The following RAB38 variants were observed in gnomAD, a reference collection of about 807,000 sequenced individuals.
RAB38 encodes ras-related protein Rab-38.
In RAB38, 15 loss-of-function variants were observed where a neutral mutation model predicts 18.4. The observed-to-expected ratio is 0.82, with a 90% CI of 0.55 to 1.26. The LOEUF (loss-of-function observed/expected upper bound fraction) is 1.26. Ranked by LOEUF, RAB38 falls within the 50% of genes most tolerant of loss-of-function variation. RAB38 has a pLI of 0.00. For missense variants in RAB38, 294 were observed against 267.4 expected (o/e 1.10, Z -0.69); for synonymous variants, 101 against 104.4 (o/e 0.97, Z 0.20).
At chr11:87,949,526 T>G in the RAB38 span, among the ~76,000 whole-genome samples, 2 of 152,358 alleles carry the variant, frequency 1.3e-5, no homozygotes, top group African/African-American at 4.8e-5. Flanking sequence ...TGTGGGCATT[T>G]AGTGCTATAA....
At chr11:88,081,348 T>C in the RAB38 span, among the ~76,000 whole-genome samples, 5 of 152,096 alleles carry the variant, frequency 3.3e-5, no homozygotes, top group East Asian at 5.8e-4. Flanking sequence ...TTAATGTTTA[T>C]AGAAGCTGTG....
the RAB38 span, among the ~76,000 whole-genome samples, chr11:88,027,544 T>A: frequency 6.6e-6 from 1 of 152,172 alleles, no homozygotes. Context: ...CTGACGGCCT[T>A]AAAAAACGGC....
chr11:87,880,771 C>T, the RAB38 span, among the ~76,000 whole-genome samples: 1 of 151,828 alleles, frequency 6.6e-6, no homozygotes, highest in Non-Finnish European at 1.5e-5. Flanking sequence ...ATTATTCACT[C>T]AGTCAATTAT....
the RAB38 span, among the ~76,000 whole-genome samples, chr11:88,091,226 G>T: frequency 2.0e-5 from 3 of 152,000 alleles, no homozygotes; most frequent in Non-Finnish European, 4.4e-5. Flanking sequence ...GAGCCAAAAT[G>T]ATGCCAATGA....
chr11:88,023,976 T>C, the RAB38 span, among the ~76,000 whole-genome samples: 11 of 152,234 alleles, frequency 7.2e-5, no homozygotes, highest in East Asian at 1.9e-4. Flanking sequence ...CTCCAGGACA[T>C]TGATCTGGGC....
At chr11:88,136,512 C>G (rs1459786655) in intron 2 of RAB38, among the ~76,000 whole-genome samples, 5 of 152,210 alleles carry the variant, frequency 3.3e-5, no homozygotes, top group African/African-American at 1.2e-4. Context: ...GGAAGCCACT[C>G]TGCCCAGGGT....
At chr11:88,098,511 T>A in the RAB38 span, 1 of 152,014 alleles carries the variant, frequency 6.6e-6, no homozygotes, top group Non-Finnish European at 1.5e-5. Flanking sequence ...TCTTAGCTAG[T>A]TGCATGACCT....
At chr11:88,082,905 A>G in the RAB38 span, among the ~76,000 whole-genome samples, 1 of 151,914 alleles carries the variant, frequency 6.6e-6, no homozygotes, top group African/African-American at 2.4e-5. Context: ...TTTCTTTCTC[A>G]TAAAATCTAG....
the RAB38 span, among the ~76,000 whole-genome samples, chr11:88,037,898 C>G: frequency 6.6e-6 from 1 of 151,836 alleles, no homozygotes; most frequent in Non-Finnish European, 1.5e-5. Context: ...TGTTTGCCTT[C>G]TTATTAATGT....
At chr11:87,841,869 T>C in the RAB38 span, among the ~76,000 whole-genome samples, 1 of 152,226 alleles carries the variant, frequency 6.6e-6, no homozygotes, top group Non-Finnish European at 1.5e-5. Flanking sequence ...TACTCCTGTT[T>C]TCTGTTAAGG....
the RAB38 span, among the ~76,000 whole-genome samples, chr11:87,921,749 G>C: frequency 6.6e-6 from 1 of 151,634 alleles, no homozygotes; most frequent in Non-Finnish European, 1.5e-5. Flanking sequence ...CTCAGGAAAA[G>C]TTTTAAATGA....
the RAB38 span, among the ~76,000 whole-genome samples, chr11:88,068,679 T>C: frequency 1.3e-5 from 2 of 152,248 alleles, no homozygotes; most frequent in Non-Finnish European, 2.9e-5. Context: ...TGCCCTAACA[T>C]GACAAGTCAA....
chr11:87,921,857 C>T, the RAB38 span, among the ~76,000 whole-genome samples: 3 of 151,658 alleles, frequency 2.0e-5, no homozygotes, highest in African/African-American at 7.3e-5. Context: ...TGAAGCAGCA[C>T]ATTGGATAAA....
At chr11:87,889,773 A>G in the RAB38 span, among the ~76,000 whole-genome samples, 1 of 149,464 alleles carries the variant, frequency 6.7e-6, no homozygotes, top group East Asian at 2.0e-4. Flanking sequence ...CTTATACATG[A>G]CACTTACTGT....
the RAB38 span, among the ~76,000 whole-genome samples, chr11:87,848,880 CTTTA>C: frequency 0.11 from 17,064 of 152,026 alleles, 1,239 homozygotes; most frequent in African/African-American, 0.2. Flanking sequence ...ATTATTAATT[CTTTA>C]TTCACATAGT....
the RAB38 span, among the ~76,000 whole-genome samples, chr11:87,920,227 T>C: frequency 2.6e-5 from 4 of 151,950 alleles, no homozygotes; most frequent in African/African-American, 7.2e-5. Flanking sequence ...CTCTAAGGTT[T>C]AATGTTAGCT....
chr11:87,931,154 C>T, the RAB38 span, among the ~76,000 whole-genome samples: 1 of 152,030 alleles, frequency 6.6e-6, no homozygotes, highest in African/African-American at 2.4e-5. Flanking sequence ...TTACCTTGGG[C>T]AGTATGGCCA....
At chr11:87,901,299 G>A in the RAB38 span, among the ~76,000 whole-genome samples, 10 of 151,430 alleles carry the variant, frequency 6.6e-5, no homozygotes, top group Non-Finnish European at 1.0e-4. Context: ...TAGGGCAGGC[G>A]TATAATATGA....
chr11:88,026,426 G>T, the RAB38 span, among the ~76,000 whole-genome samples: 2 of 151,790 alleles, frequency 1.3e-5, no homozygotes, highest in South Asian at 2.1e-4. Context: ...AGCTGGGCGT[G>T]GTGGAGGGCA....
Sources: gnomAD v4.1 joint callset for allele counts (sites outside exome capture counted in the v4.1 genomes callset) on GRCh38, gnomAD v4.1.1 for gene constraint, MANE v1.5 for transcripts, NCBI Gene and HGNC (gene_info 2026-07-23, HGNC 2026-07-21) for gene names.